ATP5MF: variants seen among roughly 807,000 people sequenced by gnomAD.
The protein encoded by ATP5MF is ATP synthase F(0) complex subunit f, mitochondrial.
Under a neutral mutation model 13.8 loss-of-function variants are expected in ATP5MF, and 10 were observed. That is an observed-to-expected ratio of 0.72 (90% CI 0.45 to 1.23). ATP5MF has a LOEUF of 1.23. Ranked by LOEUF, ATP5MF falls within the 50% of genes most tolerant of loss-of-function variation. The pLI is 0.00. For missense variants in ATP5MF, 122 were observed against 118.2 expected (o/e 1.03, Z -0.15); for synonymous variants, 40 against 45.8 (o/e 0.87, Z 0.51).
intron 1 of ATP5MF, among the ~76,000 whole-genome samples, chr7:99,462,784 C>T (rs1798676001): frequency 6.6e-6 from 1 of 152,182 alleles, no homozygotes. Flanking sequence ...ACTTATTCCA[C>T]GAATTTCTCT....
At chr7:99,460,036 T>G in intron 2 of ATP5MF, 50 bp downstream of exon 2, 3 of 1,560,126 alleles carry the variant, frequency 1.9e-6, no homozygotes, top group Non-Finnish European at 2.6e-6. Flanking sequence ...AAAAGAGATC[T>G]GAAGACCCAG....
At position 99,460,443 on chromosome 7, in the gene ATP5MF, T is replaced by C. The variant is rs1304514829; in HGVS notation, c.32-250A>G. 12 of 689,264 alleles carry C rather than the reference T, an allele frequency of 1.7e-5. No homozygotes were observed. The Admixed American group carries it at 2.3e-4, about 13-fold the overall frequency. 42.7% of individuals were successfully genotyped at this position (689,264 alleles called of 1,614,324 possible). On this transcript the variant is annotated intron_variant, in intron 1 of 3. Transcript: ENST00000292475. ...ACAGGACGTCTGAGTAACAGCTTGC[T>C]GGGAGTAACTCCAGAAAAGGGTCTC... is the stretch of plus-strand genomic sequence containing the variant.
chr7:99,465,689 GGTATCAGGTACA>G (rs943852214), intron 1 of ATP5MF, among the ~76,000 whole-genome samples: 4 of 152,276 alleles, frequency 2.6e-5, no homozygotes, highest in African/African-American at 9.6e-5. Context: ...AACCTTACAT[GGTATCAGGTACA>G]GTCCTAGTCC....
At chr7:99,463,716 C>T (rs1798716693) in intron 1 of ATP5MF, among the ~76,000 whole-genome samples, 1 of 152,072 alleles carries the variant, frequency 6.6e-6, no homozygotes, top group East Asian at 1.9e-4. Context: ...GTGGAGGTTG[C>T]ACTGAGCTGA....
Position 99,460,026 on chromosome 7 carries a change from A to G in ATP5MF, c.139+60T>C, listed in dbSNP as rs1052573930. On this transcript the variant is annotated intron_variant, in intron 2 of 3. Transcript: ENST00000292475. Reference sequence around the variant, plus strand: ...CATTGCCCAAATTAATTCATGGCAAAAAAGAGATCTGAAGACCCAGAGATT... The same window carrying G: ...CATTGCCCAAATTAATTCATGGCAAGAAAGAGATCTGAAGACCCAGAGATT... The G allele has an allele frequency of 1.6e-5, 24 of 1,546,206 alleles. No homozygotes were observed. In the Admixed American group the frequency reaches 2.8e-4, roughly 18 times the overall value.
Position 99,459,272 on chromosome 7 carries a change from G to T in ATP5MF, c.140-9C>A. ...GTAGTACCGGTAGTAACCTGCAAAC[G>T]CAAGAGGCGCTCACTGCCCTGCTGG... On this transcript the variant is annotated splice_polypyrimidine_tract_variant and intron_variant, in intron 2 of 3. Coordinates refer to ENST00000292475, the MANE Select transcript of ATP5MF (RefSeq NM_004889.5). 7 of 1,595,238 alleles carry T rather than the reference G, an allele frequency of 4.4e-6. No homozygotes were observed. The highest frequency in any genetic ancestry group is 6.0e-6 in the Non-Finnish European group (7 of 1,162,834).
rs759089801 is a variant in ATP5MF at position 99,458,351 on chromosome 7, G to A, written c.261C>T (p.His87=). ...SYSFSYKHLK[H]ERLRKYH Reference sequence around the variant, plus strand: ...TTCAGTGGTATTTGCGGAGCCGCTCGTGCTCTGAAGTCAGGAAGGCAAGAT... The same window carrying A: ...TTCAGTGGTATTTGCGGAGCCGCTCATGCTCTGAAGTCAGGAAGGCAAGAT... Residue 87 remains histidine, a synonymous_variant, in exon 4 of 4, where the codon CAC becomes CAT. Transcript: ENST00000292475. 6 of 1,607,638 alleles carry A rather than the reference G, an allele frequency of 3.7e-6. No homozygotes were observed. Among genetic ancestry groups the A allele is most frequent in the East Asian group, 2.2e-5 (1 of 44,708 alleles).
intron 3 of ATP5MF, 111 bp downstream of exon 3, chr7:99,459,036 T>C: frequency 1.3e-6 from 1 of 757,914 alleles, no homozygotes; most frequent in Non-Finnish European, 2.2e-6. Context: ...ATAAGGAACT[T>C]TAACTAAAGG....
chr7:99,462,689 C>T (rs997593334), intron 1 of ATP5MF, among the ~76,000 whole-genome samples: 1 of 152,120 alleles, frequency 6.6e-6, no homozygotes, highest in African/African-American at 2.4e-5. Context: ...ACAGGAGAAT[C>T]GCTTAAACCT....
chr7:99,460,687 G>A (rs574595448), intron 1 of ATP5MF, among the ~76,000 whole-genome samples: 15 of 152,290 alleles, frequency 9.8e-5, no homozygotes, highest in African/African-American at 3.4e-4. Context: ...CAATATGAGG[G>A]TGCCCTGTCC....
In ATP5MF at chr7:99,458,630, G is replaced by A. The variant is rs1798443875; in HGVS notation, c.257-275C>T. On this transcript the variant is annotated intron_variant, in intron 3 of 3. Transcript: ENST00000292475. ...ACAGCCCCAGAGAACCCGTCCTTCAGAGGCAGGACCGCCCTGGTGCCACAG... is the reference window on the plus strand; with the variant it reads ...ACAGCCCCAGAGAACCCGTCCTTCAAAGGCAGGACCGCCCTGGTGCCACAG... Among the ~76,000 whole-genome samples, 3 of 152,248 alleles carry A rather than the reference G, an allele frequency of 2.0e-5. No individual in the cohort carries two copies. The South Asian group carries it at 6.2e-4, about 32-fold the overall frequency.
At chr7:99,463,749 C>G (rs1389398880) in intron 1 of ATP5MF, among the ~76,000 whole-genome samples, 1 of 151,938 alleles carries the variant, frequency 6.6e-6, no homozygotes, top group African/African-American at 2.4e-5. Flanking sequence ...GCACTGCAGC[C>G]TGGGCGACAA....
chr7:99,464,033 G>A (rs1798732505), intron 1 of ATP5MF, among the ~76,000 whole-genome samples: 1 of 152,216 alleles, frequency 6.6e-6, no homozygotes, highest in African/African-American at 2.4e-5. Context: ...TTCACCGGGG[G>A]TGATGCTGAA....
intron 2 of ATP5MF, 22 bp downstream of exon 2, chr7:99,460,064 C>A: frequency 6.3e-7 from 1 of 1,582,652 alleles, no homozygotes; most frequent in Non-Finnish European, 8.6e-7. Flanking sequence ...CTTTCATTTA[C>A]AGACATCCAC....
At chr7:99,460,043 C>A in intron 2 of ATP5MF, 43 bp downstream of exon 2, 2 of 1,566,400 alleles carry the variant, frequency 1.3e-6, no homozygotes, top group Non-Finnish European at 1.7e-6. Context: ...ATCTGAAGAC[C>A]CAGAGATTTG....
chr7:99,463,979 A>G (rs1260624931), intron 1 of ATP5MF, among the ~76,000 whole-genome samples: 1 of 152,074 alleles, frequency 6.6e-6, no homozygotes, highest in Non-Finnish European at 1.5e-5. Flanking sequence ...GACAGACACT[A>G]CCTAAAAGAT....
chr7:99,459,575 A>G (rs192410891), intron 2 of ATP5MF: 5 of 306,400 alleles, frequency 1.6e-5, no homozygotes, highest in Non-Finnish European at 3.1e-5. Flanking sequence ...ACAGCCAGCT[A>G]ATTTTTCTTG....
rs1798863439 is a variant in ATP5MF at position 99,466,110 on chromosome 7, C to T, written c.31+1G>A. 9 of 1,614,052 alleles carry T rather than the reference C, an allele frequency of 5.6e-6. No individual in the cohort carries two copies. The highest frequency in any genetic ancestry group is 1.3e-5 in the African/African-American group (1 of 74,938). On this transcript the variant is annotated splice_donor_variant, in intron 1 of 3. Transcript: ENST00000292475. LOFTEE classifies it high-confidence loss of function. The stretch of plus-strand genomic sequence containing the variant: ...CCACCACGGAGTCCAAACAGCCTTA[C>T]CTGGGGCCGGACACTCACCAACTGA...
intron 3 of ATP5MF, 112 bp downstream of exon 3, chr7:99,459,034 CT>C (rs1162898115): frequency 1.3e-6 from 1 of 744,346 alleles, no homozygotes; most frequent in Non-Finnish European, 2.3e-6. Context: ...ACATAAGGAA[CT>C]TTAACTAAAG....
Sources: gnomAD v4.1 joint callset for allele counts (sites outside exome capture counted in the v4.1 genomes callset) on GRCh38, gnomAD v4.1.1 for gene constraint, MANE v1.5 for transcripts, NCBI Gene and HGNC (gene_info 2026-07-23, HGNC 2026-07-21) for gene names.